The following RICTOR variants were observed in gnomAD, a reference collection of about 807,000 sequenced individuals.
RICTOR encodes RPTOR independent companion of MTOR complex 2.
In RICTOR, 49 loss-of-function variants were observed where a neutral mutation model predicts 214.9. That is an observed-to-expected ratio of 0.23 (90% CI 0.18 to 0.29). The LOEUF is 0.29. RICTOR is among the 10% of genes least tolerant of loss of function. The pLI, the probability that RICTOR is intolerant of heterozygous loss-of-function variation, is 1.00. For missense variants in RICTOR, 1,625 were observed against 2,047.0 expected (o/e 0.79, Z 3.98); for synonymous variants, 717 against 711.3 (o/e 1.01, Z -0.13).
chr5:39,021,772 CCAGTCT>C (rs1755441234), intron 2 of RICTOR, among the ~76,000 whole-genome samples: 1 of 152,108 alleles, frequency 6.6e-6, no homozygotes, highest in Non-Finnish European at 1.5e-5. Context: ...TTATAAATCT[CCAGTCT>C]CAGATACTGT....
rs1026348867 is a variant in RICTOR at position 39,056,527 on chromosome 5, G to A, written c.97+17584C>T. ...GGCGTGTGCCTGTACTCCCAACTAC[G>A]TGGGGGTGCTGAAGTGACAGGATCA... On this transcript the variant is annotated intron_variant, in intron 2 of 37. Transcript: ENST00000357387. Among the ~76,000 whole-genome samples the A allele has an allele frequency of 8.5e-5, 13 of 152,076 alleles. No individual in the cohort carries two copies. The South Asian group carries it at 1.0e-3, about 12-fold the overall frequency.
intron 2 of RICTOR, among the ~76,000 whole-genome samples, chr5:39,029,231 G>A (rs1278836273): frequency 6.6e-6 from 1 of 151,732 alleles, no homozygotes; most frequent in Non-Finnish European, 1.5e-5. Flanking sequence ...GTTAATTACA[G>A]CTCAACAAAG....
At chr5:38,948,575 A>T (rs1425110806) in intron 31 of RICTOR, among the ~76,000 whole-genome samples, 4 of 152,100 alleles carry the variant, frequency 2.6e-5, no homozygotes, top group Non-Finnish European at 5.9e-5. Flanking sequence ...AAAAAACAAC[A>T]ATACAAAAGT....
intron 2 of RICTOR, among the ~76,000 whole-genome samples, chr5:39,037,611 C>T (rs544156926): frequency 7.2e-4 from 110 of 152,052 alleles, no homozygotes; most frequent in African/African-American, 2.3e-3. Flanking sequence ...ATCAAATAGA[C>T]GCAATAAAAA....
At chr5:38,973,897 A>G (rs1407256650) in intron 10 of RICTOR, among the ~76,000 whole-genome samples, 3 of 152,230 alleles carry the variant, frequency 2.0e-5, no homozygotes, top group Non-Finnish European at 4.4e-5. Flanking sequence ...ACAAGTACAC[A>G]AAAGTTTATT....
intron 25 of RICTOR, among the ~76,000 whole-genome samples, chr5:38,956,814 C>T (rs999694963): frequency 4.6e-5 from 7 of 152,118 alleles, no homozygotes; most frequent in Non-Finnish European, 1.0e-4. Context: ...AAACCTATCA[C>T]ATCTTGTCTC....
At chr5:39,073,477 G>A (rs1207437131) in intron 2 of RICTOR, among the ~76,000 whole-genome samples, 1 of 152,188 alleles carries the variant, frequency 6.6e-6, no homozygotes, top group Non-Finnish European at 1.5e-5. Context: ...GGGTGAGGGG[G>A]CGGTCTTTAG....
At chr5:38,979,226 T>C (rs1230191792) in intron 8 of RICTOR, among the ~76,000 whole-genome samples, 1 of 152,144 alleles carries the variant, frequency 6.6e-6, no homozygotes, top group Non-Finnish European at 1.5e-5. Context: ...CACAGCTTAC[T>C]GCAACCTTGA....
At chr5:39,050,068 A>G (rs1293532852) in intron 2 of RICTOR, among the ~76,000 whole-genome samples, 1 of 152,138 alleles carries the variant, frequency 6.6e-6, no homozygotes, top group Admixed American at 6.5e-5. Context: ...ATAACCACCT[A>G]AACACATTTT....
chr5:39,023,449 C>T (rs1755581373), intron 2 of RICTOR, among the ~76,000 whole-genome samples: 1 of 152,134 alleles, frequency 6.6e-6, no homozygotes, highest in Admixed American at 6.5e-5. Flanking sequence ...TAAAAATATG[C>T]TTCACAAAAA....
chr5:39,052,029 A>G (rs1431644090), intron 2 of RICTOR, among the ~76,000 whole-genome samples: 1 of 152,180 alleles, frequency 6.6e-6, no homozygotes, highest in African/African-American at 2.4e-5. Context: ...ATACTCCTTC[A>G]TAATGCTGGG....
intron 2 of RICTOR, among the ~76,000 whole-genome samples, chr5:39,042,269 T>G (rs1481934704): frequency 6.6e-6 from 1 of 152,166 alleles, no homozygotes; most frequent in Non-Finnish European, 1.5e-5. Flanking sequence ...CTTATCATCT[T>G]CAAATGTTAC....
At chr5:39,054,564 T>C (rs546864121) in intron 2 of RICTOR, among the ~76,000 whole-genome samples, 33 of 152,322 alleles carry the variant, frequency 2.2e-4, no homozygotes, top group African/African-American at 7.2e-4. Context: ...ATCAAACGAA[T>C]AGAATAATTT....
chr5:38,980,309 G>C (rs1158340416), intron 8 of RICTOR, among the ~76,000 whole-genome samples: 1 of 151,992 alleles, frequency 6.6e-6, no homozygotes, highest in African/African-American at 2.4e-5. Context: ...CTGAATGTCA[G>C]GCATTGTGCA....
At chr5:39,003,208 T>C (rs1427243977) in intron 4 of RICTOR, among the ~76,000 whole-genome samples, 1 of 152,148 alleles carries the variant, frequency 6.6e-6, no homozygotes, top group Non-Finnish European at 1.5e-5. Flanking sequence ...ATCAAGTCTG[T>C]TGTAAGCACA....
intron 2 of RICTOR, among the ~76,000 whole-genome samples, chr5:39,073,571 A>G (rs1207791333): frequency 6.6e-6 from 1 of 152,174 alleles, no homozygotes; most frequent in East Asian, 1.9e-4. Flanking sequence ...GACCAGTTCT[A>G]GGTTTCACTA....
chr5:38,966,801 ATTTTT>A, intron 14 of RICTOR, 80 bp from the exon 15 acceptor site: 1 of 549,428 alleles, frequency 1.8e-6, no homozygotes, highest in Non-Finnish European at 3.1e-6. Flanking sequence ...ATTTTTCAAA[ATTTTT>A]TTTTTTTTTT....
chr5:38,976,630 G>T (rs966223757), intron 9 of RICTOR, among the ~76,000 whole-genome samples: 2 of 151,764 alleles, frequency 1.3e-5, no homozygotes, highest in African/African-American at 4.9e-5. Context: ...GACATACATT[G>T]ACTGTTTGGT....
Position 38,940,013 on chromosome 5 carries a change from CG to C in RICTOR, c.*2290del. ...AACCAAATAGCACTATAAATTTAAG[CG>C]TAGACTTTTTTTTTTTTTTAGTATA... On this transcript the variant is annotated 3_prime_UTR_variant, in exon 38 of 38. Transcript: ENST00000357387. 1 of 195,482 alleles carries C rather than the reference CG, an allele frequency of 5.1e-6. No homozygotes were observed. Among genetic ancestry groups the C allele is most frequent in the Non-Finnish European group, 9.5e-6 (1 of 104,816 alleles). 12.1% of individuals were successfully genotyped at this position (195,482 alleles called of 1,614,324 possible).
Sources: allele counts gnomAD v4.1 joint callset (sites outside exome capture counted in the v4.1 genomes callset), GRCh38; gene constraint gnomAD v4.1.1; transcripts MANE v1.5; gene names NCBI Gene and HGNC (gene_info 2026-07-23, HGNC 2026-07-21).